CLDN16: variants seen among roughly 807,000 people sequenced by gnomAD.
CLDN16 encodes claudin-16.
A neutral mutation model predicts 24.6 loss-of-function variants in CLDN16; 13 were observed. The observed-to-expected ratio is 0.53, with a 90% confidence interval of 0.34 to 0.84. The LOEUF (loss-of-function observed/expected upper bound fraction) is 0.84. Among genes scored for constraint, CLDN16 ranks in the 40% least tolerant of loss-of-function variants. The pLI, the probability that CLDN16 is intolerant of heterozygous loss-of-function variation, is 0.01. For missense variants in CLDN16, 298 were observed against 292.7 expected (o/e 1.02, Z -0.13); for synonymous variants, 116 against 106.7 (o/e 1.09, Z -0.54).
the CLDN16 span, chr3:190,310,090 T>C: frequency 8.8e-7 from 1 of 1,130,096 alleles, no homozygotes; most frequent in Non-Finnish European, 1.3e-6. Flanking sequence ...TGGGAAATGA[T>C]GGCACTAGCA....
chr3:190,401,441 G>A (rs183660188), intron 1 of CLDN16, among the ~76,000 whole-genome samples: 1 of 152,284 alleles, frequency 6.6e-6, no homozygotes, highest in African/African-American at 2.4e-5. Flanking sequence ...AAGGTAATTT[G>A]AATCCATAAC....
intron 1 of CLDN16, among the ~76,000 whole-genome samples, chr3:190,344,252 A>C (rs1560083569): frequency 6.6e-6 from 1 of 152,050 alleles, no homozygotes; most frequent in Admixed American, 6.6e-5. Flanking sequence ...TATTACCTAA[A>C]CATCTCTGAA....
chr3:190,355,350 C>T (rs1374738263), intron 1 of CLDN16, among the ~76,000 whole-genome samples: 2 of 151,696 alleles, frequency 1.3e-5, no homozygotes, highest in Admixed American at 1.3e-4. Flanking sequence ...CCACCTTAGC[C>T]AAATACTTAA....
chr3:190,311,702 T>C, the CLDN16 span, among the ~76,000 whole-genome samples: 11 of 151,102 alleles, frequency 7.3e-5, no homozygotes, highest in South Asian at 6.6e-4. Context: ...AGCTGTATAA[T>C]TTATATGGAG....
chr3:190,405,808 A>C (rs936958336), intron 3 of CLDN16, among the ~76,000 whole-genome samples: 1 of 152,240 alleles, frequency 6.6e-6, no homozygotes, highest in Non-Finnish European at 1.5e-5. Context: ...AATAAACAAC[A>C]TATCAAAAAG....
chr3:190,367,550 A>G (rs750460353), intron 1 of CLDN16, among the ~76,000 whole-genome samples: 4 of 152,114 alleles, frequency 2.6e-5, no homozygotes, highest in South Asian at 2.1e-4. Flanking sequence ...CAATGTGATC[A>G]TGTTGCCCAA....
chr3:190,300,533 A>G, the CLDN16 span, among the ~76,000 whole-genome samples: 22 of 152,206 alleles, frequency 1.4e-4, no homozygotes, highest in Non-Finnish European at 2.4e-4. Flanking sequence ...AGAATGATTT[A>G]CATATTTCGA....
At chr3:190,405,453 T>TA (rs1719074497) in intron 3 of CLDN16, among the ~76,000 whole-genome samples, 1 of 117,856 alleles carries the variant, frequency 8.5e-6, no homozygotes, top group Non-Finnish European at 1.8e-5. Context: ...AAAAAGGAAA[T>TA]AAAGAAAAAA....
At position 190,375,655 on chromosome 3, in the gene CLDN16, C is replaced by A. The variant is rs1204977175; in HGVS notation, n.306+1052C>A. Among the ~76,000 whole-genome samples, 4 of 151,914 alleles carry A rather than the reference C, an allele frequency of 2.6e-5. No individual in the cohort carries two copies. The East Asian group carries it at 7.8e-4, about 29-fold the overall frequency. Reference sequence around the variant, plus strand: ...GCATTTGCTTGTTCTTCACTTATCTCTTTATTAAACATTTACTGTTGATCC... The same window carrying A: ...GCATTTGCTTGTTCTTCACTTATCTATTTATTAAACATTTACTGTTGATCC... On this transcript the variant is annotated intron_variant and non_coding_transcript_variant, in intron 3 of 4. Transcript: ENST00000468220.
At chr3:190,390,033 A>G (rs1294786147) in intron 1 of CLDN16, among the ~76,000 whole-genome samples, 1 of 152,234 alleles carries the variant, frequency 6.6e-6, no homozygotes, top group African/African-American at 2.4e-5. Flanking sequence ...TGGAATTTAA[A>G]GTGTCTTCTT....
At chr3:190,296,846 G>A in the CLDN16 span, among the ~76,000 whole-genome samples, 5 of 152,142 alleles carry the variant, frequency 3.3e-5, no homozygotes, top group South Asian at 2.1e-4. Flanking sequence ...CACCGCGCCC[G>A]GCCCAGATTT....
At chr3:190,374,298 T>A (rs919525915) in intron 2 of CLDN16, among the ~76,000 whole-genome samples, 2 of 151,514 alleles carry the variant, frequency 1.3e-5, no homozygotes, top group Admixed American at 6.6e-5. Context: ...TGTGTGTGTG[T>A]GTGTGTGTGT....
chr3:190,341,230 C>T (rs1717425623), intron 1 of CLDN16, among the ~76,000 whole-genome samples: 1 of 152,232 alleles, frequency 6.6e-6, no homozygotes, highest in Admixed American at 6.5e-5. Context: ...CCCCACATTT[C>T]TCTTCCACAC....
intron 1 of CLDN16, among the ~76,000 whole-genome samples, chr3:190,399,784 C>G (rs527286795): frequency 1.8e-4 from 28 of 152,216 alleles, no homozygotes; most frequent in Admixed American, 1.1e-3. Context: ...CAGACCAGTA[C>G]TAGTCCGTGG....
chr3:190,294,290 C>G, the CLDN16 span, among the ~76,000 whole-genome samples: 142 of 152,112 alleles, frequency 9.3e-4, 1 homozygote, highest in Non-Finnish European at 1.8e-3. Flanking sequence ...AAAAATGGAA[C>G]AATTTAAGCT....
chr3:190,322,446 C>G (rs558964236), upstream of CLDN16: 1 of 570,502 alleles, frequency 1.8e-6, no homozygotes, highest in East Asian at 2.9e-5. Context: ...GGAACTGAGA[C>G]GCAGAACCGC....
At chr3:190,399,677 AT>A (rs1162225084) in intron 1 of CLDN16, among the ~76,000 whole-genome samples, 1 of 152,164 alleles carries the variant, frequency 6.6e-6, no homozygotes, top group Non-Finnish European at 1.5e-5. Flanking sequence ...TGTTGGAAAC[AT>A]TAAATATCCT....
intron 1 of CLDN16, among the ~76,000 whole-genome samples, chr3:190,398,160 T>C (rs1718866508): frequency 6.6e-6 from 1 of 152,226 alleles, no homozygotes; most frequent in South Asian, 2.1e-4. Context: ...GAAGATCTGT[T>C]TTCTGTTATG....
At chr3:190,303,445 GCA>G in the CLDN16 span, among the ~76,000 whole-genome samples, 1 of 152,230 alleles carries the variant, frequency 6.6e-6, no homozygotes, top group Non-Finnish European at 1.5e-5. Flanking sequence ...AGAGATCTGA[GCA>G]CAGTTTTCAA....
Sources: allele counts gnomAD v4.1 joint callset (sites outside exome capture counted in the v4.1 genomes callset), GRCh38; gene constraint gnomAD v4.1.1; transcripts MANE v1.5; gene names NCBI Gene and HGNC (gene_info 2026-07-23, HGNC 2026-07-21).